The following HYCC1 variants were observed in gnomAD, a reference collection of about 807,000 sequenced individuals.
HYCC1 encodes the protein hyccin PI4KA lipid kinase complex subunit 1, also known as hyccin.
chr7:22,995,687 G>A, the HYCC1 span, among the ~76,000 whole-genome samples: 1 of 152,138 alleles, frequency 6.6e-6, no homozygotes, highest in African/African-American at 2.4e-5. Flanking sequence ...GAGAATAGGA[G>A]ATAAAGTTTC....
At chr7:22,927,912 T>A in the HYCC1 span, among the ~76,000 whole-genome samples, 2 of 152,212 alleles carry the variant, frequency 1.3e-5, no homozygotes, top group East Asian at 3.9e-4. Context: ...ATATCCTTGA[T>A]GAACATTGAT....
chr7:23,006,769 G>A, the HYCC1 span, among the ~76,000 whole-genome samples: 1 of 152,136 alleles, frequency 6.6e-6, no homozygotes, highest in South Asian at 2.1e-4. Context: ...ACTAATGTTT[G>A]TCAACTATGA....
chr7:22,918,778 T>A, the HYCC1 span, among the ~76,000 whole-genome samples: 1 of 151,168 alleles, frequency 6.6e-6, no homozygotes, highest in African/African-American at 2.4e-5. Context: ...AATTTTCCAC[T>A]ACCCACCCAA....
chr7:22,986,078 A>C, the HYCC1 span, among the ~76,000 whole-genome samples: 1 of 151,968 alleles, frequency 6.6e-6, no homozygotes, highest in South Asian at 2.1e-4. Context: ...CATTAAAAAC[A>C]TGAATTACAA....
chr7:22,897,874 T>A, the HYCC1 span, among the ~76,000 whole-genome samples: 1 of 152,226 alleles, frequency 6.6e-6, no homozygotes, highest in South Asian at 2.1e-4. Flanking sequence ...GCTCAAGTGA[T>A]TCACCCAACT....
At chr7:22,996,037 G>A in the HYCC1 span, among the ~76,000 whole-genome samples, 1 of 152,130 alleles carries the variant, frequency 6.6e-6, no homozygotes, top group Non-Finnish European at 1.5e-5. Flanking sequence ...GCTCACGCCT[G>A]TAATCCCAGC....
chr7:22,979,438 A>G, the HYCC1 span, among the ~76,000 whole-genome samples: 588 of 152,314 alleles, frequency 3.9e-3, 6 homozygotes, highest in African/African-American at 0.014. Flanking sequence ...CCATGGAAAG[A>G]TAACAGAAAA....
the HYCC1 span, among the ~76,000 whole-genome samples, chr7:22,998,375 C>A: frequency 4.6e-5 from 7 of 152,108 alleles, no homozygotes; most frequent in Non-Finnish European, 8.8e-5. Flanking sequence ...TAGATAAGAG[C>A]AGACAGAATG....
chr7:22,957,882 A>G, the HYCC1 span, among the ~76,000 whole-genome samples: 1 of 152,048 alleles, frequency 6.6e-6, no homozygotes, highest in African/African-American at 2.4e-5. Context: ...GGGATCTACA[A>G]GCCCTTTAAC....
chr7:22,922,417 G>C, the HYCC1 span, among the ~76,000 whole-genome samples: 1 of 152,200 alleles, frequency 6.6e-6, no homozygotes, highest in African/African-American at 2.4e-5. Flanking sequence ...TCATAGCTTA[G>C]CTTAGCCCAC....
At chr7:22,912,384 A>G in the HYCC1 span, among the ~76,000 whole-genome samples, 3 of 152,196 alleles carry the variant, frequency 2.0e-5, no homozygotes, top group African/African-American at 7.2e-5. Flanking sequence ...TCTTAACAGG[A>G]GGGTAGAATG....
the HYCC1 span, among the ~76,000 whole-genome samples, chr7:22,973,306 A>G: frequency 2.6e-5 from 4 of 152,200 alleles, no homozygotes; most frequent in African/African-American, 9.6e-5. Context: ...GTGTTTTCTA[A>G]TTCTTTTCTA....
chr7:23,005,007 G>C, the HYCC1 span, among the ~76,000 whole-genome samples: 14 of 152,162 alleles, frequency 9.2e-5, no homozygotes, highest in East Asian at 1.4e-3. Flanking sequence ...GGGTTTCACC[G>C]TGTTAGTCAG....
the HYCC1 span, among the ~76,000 whole-genome samples, chr7:23,002,166 A>ATATATATACAAT: frequency 7.4e-5 from 6 of 81,156 alleles, no homozygotes; most frequent in African/African-American, 3.0e-4. Flanking sequence ...ATATATATAT[A>ATATATATACAAT]TATATATATA....
At chr7:22,929,959 T>G in the HYCC1 span, among the ~76,000 whole-genome samples, 1 of 151,928 alleles carries the variant, frequency 6.6e-6, no homozygotes, top group African/African-American at 2.4e-5. Flanking sequence ...CCAACAATGA[T>G]AGACTGGATT....
At chr7:22,913,489 G>A in the HYCC1 span, among the ~76,000 whole-genome samples, 4 of 152,210 alleles carry the variant, frequency 2.6e-5, no homozygotes, top group Non-Finnish European at 2.9e-5. Flanking sequence ...GCCCAAGCCT[G>A]CGTGTATACA....
chr7:22,985,411 TATAG>T, the HYCC1 span: 2 of 152,178 alleles, frequency 1.3e-5, no homozygotes, highest in South Asian at 4.1e-4. Context: ...GGGAACATAT[TATAG>T]ATAAACAAAA....
chr7:22,996,788 C>G, the HYCC1 span, among the ~76,000 whole-genome samples: 1 of 151,988 alleles, frequency 6.6e-6, no homozygotes, highest in African/African-American at 2.4e-5. Flanking sequence ...TAACCCACCC[C>G]CACATTTCAT....
chr7:22,994,562 GTC>G, the HYCC1 span, among the ~76,000 whole-genome samples: 1 of 152,068 alleles, frequency 6.6e-6, no homozygotes, highest in Non-Finnish European at 1.5e-5. Context: ...AGTAACACCA[GTC>G]AGCCCTGGGT....
Sources: allele counts gnomAD v4.1 joint callset (sites outside exome capture counted in the v4.1 genomes callset), GRCh38; gene constraint gnomAD v4.1.1; transcripts MANE v1.5; gene names NCBI Gene and HGNC (gene_info 2026-07-23, HGNC 2026-07-21).